The following CD80 variants were observed in gnomAD, a reference collection of about 807,000 sequenced individuals.
CD80 encodes the protein T-lymphocyte activation antigen CD80.
CD80 carries 13 observed loss-of-function variants against 27.1 expected under a neutral mutation model. The ratio of observed to expected loss-of-function variants is 0.48; its 90% confidence interval spans 0.31 to 0.76. The LOEUF (loss-of-function observed/expected upper bound fraction) is 0.76, where lower values mean the gene tolerates loss of function less well. CD80 is among the 30% of genes least tolerant of loss of function. The pLI is 0.04. For synonymous variants in CD80, 125 were observed against 125.5 expected, an observed-to-expected ratio of 1.00 and a Z score of 0.03; for missense variants, 277 against 347.9, an observed-to-expected ratio of 0.80 and a Z score of 1.62.
In CD80 at chr3:119,557,850, C is replaced by T. The variant is rs2082272768; in HGVS notation, c.-122G>A. Reference sequence around the variant, plus strand: ...AATCCAATTGCTCACGTAGAAGACCCTCCAGTGATGTTTACAAAACACACA... The same window carrying T: ...AATCCAATTGCTCACGTAGAAGACCTTCCAGTGATGTTTACAAAACACACA... On this transcript the variant is annotated 5_prime_UTR_variant, in exon 2 of 7. Coordinates refer to ENST00000264246, the MANE Select transcript of CD80 (RefSeq NM_005191.4). 7 of 526,482 alleles carry T rather than the reference C, an allele frequency of 1.3e-5. No individual in the cohort carries two copies. The highest frequency in any genetic ancestry group is 2.0e-5 in the Non-Finnish European group (6 of 294,960). The allele number at this position is 526,482 out of a possible 1,614,324, so 32.6% of individuals were successfully genotyped here. A position where few individuals can be genotyped will look rare whatever the true frequency, so the allele number is the denominator to read the frequency against.
chr3:119,556,889 T>C (rs2107749270), intron 2 of CD80, among the ~76,000 whole-genome samples: 1 of 152,124 alleles, frequency 6.6e-6, no homozygotes, highest in East Asian at 1.9e-4. Flanking sequence ...GGGACAAGCC[T>C]CACCCTTCTT....
rs1210115002 is a variant in CD80 at position 119,537,327 on chromosome 3, C to T, written c.510G>A (p.Glu170=). The T allele has an allele frequency of 6.2e-7, 1 of 1,613,884 alleles. No homozygotes were observed. Among genetic ancestry groups the T allele is most frequent in the Admixed American group, 1.7e-5 (1 of 59,998 alleles). Residue 170 remains glutamate, a synonymous_variant, in exon 4 of 7, where the codon GAG becomes GAA. Transcript: ENST00000264246. ...CATTTTCCAACCAGGAGAGGTGAGGCTCTGGAAAACCTCCAGAGGTTGAGC... is the reference window on the plus strand; with the variant it reads ...CATTTTCCAACCAGGAGAGGTGAGGTTCTGGAAAACCTCCAGAGGTTGAGC... ...IICSTSGGFP[E]PHLSWLENGE...
chr3:119,554,799 A>T (rs987451185), intron 2 of CD80, among the ~76,000 whole-genome samples: 2 of 152,170 alleles, frequency 1.3e-5, no homozygotes, highest in African/African-American at 4.8e-5. Flanking sequence ...CACTAATTTT[A>T]CATGGTACAC....
intron 4 of CD80, 56 bp from the exon 5 acceptor site, chr3:119,529,993 C>T: frequency 1.6e-6 from 2 of 1,236,318 alleles, no homozygotes; most frequent in Non-Finnish European, 2.4e-6. Flanking sequence ...GCCTGATACT[C>T]ATTCTGTGCC....
At chr3:119,548,075 G>T (rs2082210837) in intron 2 of CD80, among the ~76,000 whole-genome samples, 1 of 151,920 alleles carries the variant, frequency 6.6e-6, no homozygotes, top group East Asian at 1.9e-4. Flanking sequence ...TCCACCCCCA[G>T]GTTCAAGCAG....
intron 5 of CD80, among the ~76,000 whole-genome samples, chr3:119,528,995 G>C (rs183998930): frequency 1.3e-5 from 2 of 150,382 alleles, no homozygotes; most frequent in East Asian, 2.0e-4. Flanking sequence ...AGGCTGGAGT[G>C]CAATGGCATG....
At chr3:119,529,499 A>G (rs941306573) in intron 5 of CD80, among the ~76,000 whole-genome samples, 3 of 152,228 alleles carry the variant, frequency 2.0e-5, no homozygotes, top group Non-Finnish European at 2.9e-5. Flanking sequence ...ATCATTTAGC[A>G]TCAGAAACGT....
chr3:119,547,007 C>A (rs1319218814), intron 2 of CD80, among the ~76,000 whole-genome samples: 1 of 152,226 alleles, frequency 6.6e-6, no homozygotes, highest in East Asian at 1.9e-4. Flanking sequence ...CCTTAATACA[C>A]ATCCTGATTC....
At chr3:119,542,852 G>A (rs960414710) in intron 3 of CD80, among the ~76,000 whole-genome samples, 1 of 152,210 alleles carries the variant, frequency 6.6e-6, no homozygotes, top group Non-Finnish European at 1.5e-5. Context: ...TGGTTTAGGA[G>A]TCATAAAGCT....
chr3:119,552,491 G>A (rs1201081298), intron 2 of CD80, among the ~76,000 whole-genome samples: 8 of 135,238 alleles, frequency 5.9e-5, no homozygotes, highest in African/African-American at 2.2e-4. Flanking sequence ...TCCAGCTTGG[G>A]CGACAGAGCA....
rs1560055845 is a variant in CD80, at chr3:119,540,852, CACCCTGGACA to C, written c.419-3444_419-3435del. Among the ~76,000 whole-genome samples the C allele has an allele frequency of 2.6e-5, 4 of 151,976 alleles. No individual in the cohort carries two copies. The South Asian group carries it at 8.3e-4, about 31-fold the overall frequency. On this transcript the variant is annotated intron_variant, in intron 3 of 6. Transcript: ENST00000264246. ...TCGCTTGAGGTCAGGAGTTTGAGAC[CACCCTGGACA>C]ACATAGTGAAACCTTGTCTCTACTA...
intron 1 of CD80, among the ~76,000 whole-genome samples, chr3:119,558,868 C>T (rs1413929153): frequency 6.6e-6 from 1 of 152,010 alleles, no homozygotes; most frequent in Non-Finnish European, 1.5e-5. Flanking sequence ...AAACACTGTG[C>T]TCCACTGTCA....
rs917001161 is a variant in CD80, at chr3:119,525,244, A to C, written c.*544T>G. ...TTAGTCTCCTAAAGATGTTCATGCC[A>C]TACTTCCTATGCATTACATTGGGCT... On this transcript the variant is annotated 3_prime_UTR_variant, in exon 7 of 7. Coordinates refer to ENST00000264246, the MANE Select transcript of CD80 (RefSeq NM_005191.4). The C allele has an allele frequency of 6.6e-6, 1 of 152,220 alleles. No homozygotes were observed. The highest frequency in any genetic ancestry group is 2.4e-5 in the African/African-American group (1 of 41,442). 9.4% of individuals were successfully genotyped at this position (152,220 alleles called of 1,614,324 possible).
chr3:119,528,138 G>C (rs1274219973), intron 5 of CD80, among the ~76,000 whole-genome samples: 1 of 152,112 alleles, frequency 6.6e-6, no homozygotes, highest in Non-Finnish European at 1.5e-5. Context: ...CCAAAACAAA[G>C]AATTATCTTG....
rs181577877 is a variant in CD80, at chr3:119,542,122, G to A, written c.418+2428C>T. On this transcript the variant is annotated intron_variant, in intron 3 of 6. Coordinates refer to ENST00000264246, the MANE Select transcript of CD80 (RefSeq NM_005191.4). ...ACAGGGATCTTTTAGGAGGAAAATG[G>A]AGAAACTAGCAGGAATGGCTATGAT... is the stretch of plus-strand genomic sequence containing the variant. Among the ~76,000 whole-genome samples the A allele has an allele frequency of 2.0e-4, 27 of 135,974 alleles. No homozygotes were observed. The East Asian group carries it at 5.6e-3, about 28-fold the overall frequency. 89.2% of individuals were successfully genotyped at this position (135,974 alleles called of 152,430 possible).
At chr3:119,553,167 T>C (rs2082243847) in intron 2 of CD80, among the ~76,000 whole-genome samples, 1 of 151,612 alleles carries the variant, frequency 6.6e-6, no homozygotes. Context: ...TGAGGCAGAG[T>C]CTCGCTCTGT....
intron 2 of CD80, among the ~76,000 whole-genome samples, chr3:119,551,495 A>T (rs779975961): frequency 2.6e-5 from 4 of 151,820 alleles, no homozygotes; most frequent in African/African-American, 4.8e-5. Flanking sequence ...CCTCCTTCCT[A>T]CTCTGCCTTG....
At chr3:119,544,360 C>T (rs2082188188) in intron 3 of CD80, 190 bp downstream of exon 3, 1 of 596,146 alleles carries the variant, frequency 1.7e-6, no homozygotes. Flanking sequence ...AAGAAATGCA[C>T]ATTAACAGAT....
At chr3:119,551,035 A>T (rs553967587) in intron 2 of CD80, among the ~76,000 whole-genome samples, 2 of 152,308 alleles carry the variant, frequency 1.3e-5, no homozygotes, top group East Asian at 3.9e-4. Context: ...ATGTATATTT[A>T]CAGGTATATG....
Sources: gnomAD v4.1 joint callset for allele counts (sites outside exome capture counted in the v4.1 genomes callset) on GRCh38, gnomAD v4.1.1 for gene constraint, MANE v1.5 for transcripts, NCBI Gene and HGNC (gene_info 2026-07-23, HGNC 2026-07-21) for gene names.